MAP3K7CL: variants seen among roughly 807,000 people sequenced by gnomAD.
MAP3K7CL encodes the protein MAP3K7 C-terminal like.
A neutral mutation model predicts 18.6 loss-of-function variants in MAP3K7CL; 16 were observed. That is an observed-to-expected ratio of 0.86 (90% confidence interval 0.58 to 1.31). The LOEUF (loss-of-function observed/expected upper bound fraction) is 1.31. Among genes scored for constraint, MAP3K7CL ranks in the 50% most tolerant of loss-of-function variants. MAP3K7CL has a pLI of 0.00. For missense variants in MAP3K7CL, 163 were observed against 174.4 expected, an observed-to-expected ratio of 0.93 and a Z score of 0.37; for synonymous variants, 65 against 66.8, an observed-to-expected ratio of 0.97 and a Z score of 0.13.
upstream of MAP3K7CL, among the ~76,000 whole-genome samples, chr21:29,082,855 T>C (rs191862002): frequency 1.3e-5 from 2 of 152,276 alleles, no homozygotes; most frequent in African/African-American, 4.8e-5. Flanking sequence ...CTTAAGAAAA[T>C]ACTGGGATCA....
intron 4 of MAP3K7CL, among the ~76,000 whole-genome samples, chr21:29,119,208 G>A (rs1006717484): frequency 2.0e-5 from 3 of 152,182 alleles, no homozygotes; most frequent in African/African-American, 7.2e-5. Flanking sequence ...TCGTGTAAAT[G>A]TATTCACAGC....
chr21:29,149,353 G>A (rs558924281), intron 3 of MAP3K7CL, 103 bp downstream of exon 3: 11 of 988,554 alleles, frequency 1.1e-5, no homozygotes, highest in Admixed American at 3.5e-5. Flanking sequence ...CTTGGACCCA[G>A]AATGTGGGGC....
At chr21:29,132,351 A>G (rs1205302578) in intron 1 of MAP3K7CL, among the ~76,000 whole-genome samples, 1 of 152,146 alleles carries the variant, frequency 6.6e-6, no homozygotes, top group African/African-American at 2.4e-5. Flanking sequence ...CTGGAGTAGA[A>G]TATCTATAGG....
At position 29,112,938 on chromosome 21, in the gene MAP3K7CL, TG is replaced by T. The variant is rs573622568; in HGVS notation, c.370+20358del. ...ATTCTCCTGTCTCAGCCTCCCGAGT[TG>T]CTGAGATTACAGGCCTGTGCCACAA... On this transcript the variant is annotated intron_variant, in intron 4 of 6. Transcript: ENST00000286791. Among the ~76,000 whole-genome samples, 86 of 152,108 alleles carry T rather than the reference TG, an allele frequency of 5.7e-4. 1 individual carries two copies. The highest frequency in any genetic ancestry group is 1.9e-3 in the African/African-American group (80 of 41,516).
chr21:29,146,371 C>T (rs997362051), intron 2 of MAP3K7CL, among the ~76,000 whole-genome samples: 5 of 152,154 alleles, frequency 3.3e-5, no homozygotes, highest in South Asian at 4.1e-4. Context: ...TGAATGTAAA[C>T]GCACTTAAGA....
intron 4 of MAP3K7CL, among the ~76,000 whole-genome samples, chr21:29,172,158 A>G (rs55813020): frequency 0.03 from 4,601 of 151,552 alleles, 201 homozygotes; most frequent in African/African-American, 0.095. Context: ...GTCCATATTC[A>G]AATTGCATCA....
intron 4 of MAP3K7CL, among the ~76,000 whole-genome samples, chr21:29,164,915 A>G (rs1232666237): frequency 6.6e-6 from 1 of 152,200 alleles, no homozygotes; most frequent in Admixed American, 6.5e-5. Context: ...TTGCATATAC[A>G]GTAACGTGGA....
At chr21:29,085,545 TAAAAAAAAAAAAAAAA>T (rs33938293), upstream of MAP3K7CL, among the ~76,000 whole-genome samples, 1 of 48,988 alleles carries the variant, frequency 2.0e-5, no homozygotes, top group Non-Finnish European at 3.6e-5. Context: ...AGACTCTGTC[TAAAAAAAAAAAAAAAA>T]AAAAAAAAAA....
intron 2 of MAP3K7CL, among the ~76,000 whole-genome samples, chr21:29,146,224 G>A (rs1264891190): frequency 6.6e-6 from 1 of 152,128 alleles, no homozygotes; most frequent in African/African-American, 2.4e-5. Flanking sequence ...TCCAACAAGT[G>A]CCTGCTTGTC....
chr21:29,098,272 A>G (rs568778917), intron 4 of MAP3K7CL, among the ~76,000 whole-genome samples: 1 of 152,310 alleles, frequency 6.6e-6, no homozygotes, highest in South Asian at 2.1e-4. Context: ...CTCCACAGTA[A>G]GCACTGTCAA....
At chr21:29,092,404 A>T in intron 3 of MAP3K7CL, 1 of 1,612,630 alleles carries the variant, frequency 6.2e-7, no homozygotes, top group Non-Finnish European at 8.5e-7. Context: ...CATTTGTCTC[A>T]TCATGACTTT....
chr21:29,145,373 T>C (rs2087104970), intron 2 of MAP3K7CL, among the ~76,000 whole-genome samples: 1 of 152,216 alleles, frequency 6.6e-6, no homozygotes, highest in Non-Finnish European at 1.5e-5. Flanking sequence ...CAAACTTAAC[T>C]GCTGTCAGGA....
At chr21:29,148,763 T>C (rs1261210825) in intron 2 of MAP3K7CL, among the ~76,000 whole-genome samples, 1 of 152,236 alleles carries the variant, frequency 6.6e-6, no homozygotes, top group East Asian at 1.9e-4. Context: ...CTTGTGGCAC[T>C]TGGAGTCATT....
chr21:29,111,640 A>T (rs1026194795), intron 4 of MAP3K7CL, among the ~76,000 whole-genome samples: 1 of 152,196 alleles, frequency 6.6e-6, no homozygotes, highest in African/African-American at 2.4e-5. Context: ...AGGCTGGTGT[A>T]GGGAGACAGC....
At position 29,109,392 on chromosome 21, in the gene MAP3K7CL, C is replaced by T. The variant is rs530966123; in HGVS notation, c.370+16811C>T. The T allele has an allele frequency of 2.8e-5, 37 of 1,332,282 alleles. No homozygotes were observed. The South Asian group carries it at 5.3e-4, about 19-fold the overall frequency. 82.5% of individuals were successfully genotyped at this position (1,332,282 alleles called of 1,614,324 possible). A position where few individuals can be genotyped will look rare whatever the true frequency, so the allele number is the denominator to read the frequency against. On this transcript the variant is annotated intron_variant, in intron 4 of 6. Transcript: ENST00000286791. ...ATCAACTCCTTGAAATCAGAGAGAGCTTTAAAAAATGCTCAGCCAGGAGGT... is the reference window on the plus strand; with the variant it reads ...ATCAACTCCTTGAAATCAGAGAGAGTTTTAAAAAATGCTCAGCCAGGAGGT...
intron 3 of MAP3K7CL, chr21:29,091,773 T>A (rs1209110470): frequency 1.4e-6 from 1 of 702,458 alleles, no homozygotes; most frequent in Admixed American, 2.0e-5. Context: ...TATGAACTAC[T>A]GCACCTGGCC....
intron 3 of MAP3K7CL, among the ~76,000 whole-genome samples, chr21:29,151,536 A>G (rs1419045809): frequency 6.6e-6 from 1 of 151,958 alleles, no homozygotes; most frequent in Admixed American, 6.6e-5. Context: ...CCTAATAGCT[A>G]TTTTTTCCCC....
upstream of MAP3K7CL, among the ~76,000 whole-genome samples, chr21:29,085,545 TAAAAAAAAAAAAA>T (rs33938293): frequency 6.1e-5 from 3 of 49,016 alleles, no homozygotes; most frequent in East Asian, 1.4e-3. Flanking sequence ...AGACTCTGTC[TAAAAAAAAAAAAA>T]AAAAAAAAAA....
intron 4 of MAP3K7CL, chr21:29,092,589 T>C: frequency 6.2e-7 from 1 of 1,612,724 alleles, no homozygotes; most frequent in Non-Finnish European, 8.5e-7. Context: ...TGGGTGAGTA[T>C]TCCGTCCACT....
Sources: gnomAD v4.1 joint callset for allele counts (sites outside exome capture counted in the v4.1 genomes callset) on GRCh38, gnomAD v4.1.1 for gene constraint, MANE v1.5 for transcripts, NCBI Gene and HGNC (gene_info 2026-07-23, HGNC 2026-07-21) for gene names.